RAB3IP: variants seen among roughly 807,000 people sequenced by gnomAD.
The protein encoded by RAB3IP is rab-3A-interacting protein.
Under a neutral mutation model 59.1 loss-of-function variants are expected in RAB3IP, and 36 were observed. The ratio of observed to expected loss-of-function variants is 0.61; its 90% CI spans 0.47 to 0.80. RAB3IP has a LOEUF of 0.80. Among genes scored for constraint, RAB3IP ranks in the 30% least tolerant of loss-of-function variants. RAB3IP has a pLI of 0.00. For missense variants in RAB3IP, 511 were observed against 536.0 expected (o/e 0.95, Z 0.46); for synonymous variants, 207 against 191.2 (o/e 1.08, Z -0.68).
In RAB3IP at chr12:69,795,283, CTA is replaced by C. The variant is rs781632658; in HGVS notation, c.829_830del (p.Met277GlufsTer21). 7 of 1,613,940 alleles carry C rather than the reference CTA, an allele frequency of 4.3e-6. No homozygotes were observed. Among genetic ancestry groups the C allele is most frequent in the Non-Finnish European group, 1.7e-6 (2 of 1,179,978 alleles). On this transcript the variant is annotated frameshift_variant, in exon 6 of 11. Coordinates refer to ENST00000247833, the MANE Select transcript of RAB3IP (RefSeq NM_022456.5). LOFTEE classifies it high-confidence loss of function. Reference sequence around the variant, plus strand: ...ACAAGAAATAAAAGCACAAGCAGTGCTATGAGTGGCAGTCATCAGGACCTCAG... The same window carrying C: ...ACAAGAAATAAAAGCACAAGCAGTGCTGAGTGGCAGTCATCAGGACCTCAG...
At chr12:69,804,848 G>T (rs575829543) in intron 8 of RAB3IP, among the ~76,000 whole-genome samples, 366 of 152,050 alleles carry the variant, frequency 2.4e-3, no homozygotes, top group African/African-American at 8.7e-3. Context: ...CTGTTCCATT[G>T]GTCTATATCT....
chr12:69,811,716 T>C (rs988862378), intron 8 of RAB3IP, among the ~76,000 whole-genome samples: 1 of 152,190 alleles, frequency 6.6e-6, no homozygotes, highest in South Asian at 2.1e-4. Context: ...TGAAGAAATA[T>C]CTATTTGAAA....
chr12:69,758,958 T>C (rs1870717238), intron 3 of RAB3IP, among the ~76,000 whole-genome samples: 1 of 150,142 alleles, frequency 6.7e-6, no homozygotes, highest in Non-Finnish European at 1.5e-5. Flanking sequence ...TTGTAGATAA[T>C]TGGTTTTCTT....
chr12:69,792,378 A>G (rs968100682), intron 4 of RAB3IP, among the ~76,000 whole-genome samples: 9 of 152,238 alleles, frequency 5.9e-5, no homozygotes, highest in Non-Finnish European at 1.2e-4. Context: ...CAGTGTTCAT[A>G]AATATTTATT....
chr12:69,760,570 A>G (rs1871156148), intron 3 of RAB3IP, among the ~76,000 whole-genome samples: 1 of 151,940 alleles, frequency 6.6e-6, no homozygotes. Context: ...CTTGAAGGAC[A>G]TCCTTTTACA....
intron 7 of RAB3IP, 103 bp downstream of exon 7, chr12:69,800,440 A>G (rs1878198256): frequency 1.4e-6 from 1 of 700,996 alleles, no homozygotes; most frequent in Non-Finnish European, 2.1e-6. Flanking sequence ...TAAATAAGTT[A>G]TTATAAAATG....
chr12:69,743,618 C>T (rs1887555192), intron 1 of RAB3IP, among the ~76,000 whole-genome samples: 1 of 152,082 alleles, frequency 6.6e-6, no homozygotes, highest in African/African-American at 2.4e-5. Context: ...CAAAACTGAA[C>T]CTTAGAGAGA....
intron 4 of RAB3IP, among the ~76,000 whole-genome samples, chr12:69,789,975 A>G (rs1451357746): frequency 1.3e-5 from 2 of 152,168 alleles, no homozygotes; most frequent in Non-Finnish European, 2.9e-5. Context: ...TAACAATCAT[A>G]ATCAGTGGGG....
intron 1 of RAB3IP, chr12:69,739,715 G>A (rs1887090311): frequency 1.1e-6 from 1 of 870,736 alleles, no homozygotes; most frequent in Non-Finnish European, 1.9e-6. Context: ...CGAACTGCAC[G>A]GGTGGGATTG....
At chr12:69,760,274 G>T (rs925051956) in intron 3 of RAB3IP, among the ~76,000 whole-genome samples, 14 of 152,256 alleles carry the variant, frequency 9.2e-5, no homozygotes, top group African/African-American at 3.1e-4. Flanking sequence ...CAGGCACTCG[G>T]CAGGCTGAGG....
chr12:69,803,633 G>A (rs2136254395), intron 8 of RAB3IP, among the ~76,000 whole-genome samples: 1 of 152,082 alleles, frequency 6.6e-6, no homozygotes, highest in East Asian at 1.9e-4. Flanking sequence ...ATCTCCTAAT[G>A]CTATCCCTCC....
At chr12:69,757,531 T>TG (rs1870421959) in intron 3 of RAB3IP, among the ~76,000 whole-genome samples, 1 of 152,124 alleles carries the variant, frequency 6.6e-6, no homozygotes, top group African/African-American at 2.4e-5. Flanking sequence ...TATAATGGAA[T>TG]GATATGAAAA....
chr12:69,752,080 T>G (rs1482922194), intron 1 of RAB3IP, among the ~76,000 whole-genome samples: 1 of 150,428 alleles, frequency 6.6e-6, no homozygotes, highest in Non-Finnish European at 1.5e-5. Flanking sequence ...CAAAGCTTAC[T>G]GTACCCTCAA....
At chr12:69,750,728 T>C (rs200154039) in intron 1 of RAB3IP, among the ~76,000 whole-genome samples, 46,962 of 147,418 alleles carry the variant, frequency 0.32, 7,616 homozygotes, top group Non-Finnish European at 0.37. Flanking sequence ...GGGTCTTTCT[T>C]TTTTTTTTTT....
chr12:69,772,803 A>C (rs567171544), intron 3 of RAB3IP, among the ~76,000 whole-genome samples: 71 of 152,290 alleles, frequency 4.7e-4, no homozygotes, highest in African/African-American at 1.7e-3. Context: ...TTTAGTCTTA[A>C]TAACTAAAGA....
chr12:69,797,481 T>A (rs374117642), intron 6 of RAB3IP, among the ~76,000 whole-genome samples: 1 of 135,740 alleles, frequency 7.4e-6, no homozygotes, highest in African/African-American at 2.6e-5. Flanking sequence ...TTCTTTCTTT[T>A]TTTTTTTTTT....
intron 8 of RAB3IP, among the ~76,000 whole-genome samples, chr12:69,803,929 T>G (rs989638682): frequency 6.6e-6 from 1 of 152,236 alleles, no homozygotes; most frequent in African/African-American, 2.4e-5. Context: ...TCCAAGTCTT[T>G]GCTATTGCGA....
chr12:69,762,239 C>T (rs1040084938), intron 3 of RAB3IP, among the ~76,000 whole-genome samples: 13 of 152,100 alleles, frequency 8.5e-5, no homozygotes, highest in African/African-American at 2.7e-4. Flanking sequence ...TTTGGCCTTC[C>T]ATAGGATATT....
rs1216298903 is a variant in RAB3IP, at chr12:69,812,852, A to T, written c.1205A>T (p.Tyr402Phe). ...IKLGDSSNYY[Y>F]ISPFCRYRIT... Reference sequence around the variant, plus strand: ...TTAGGGGACTCAAGCAACTATTATTATATTTCTCCTTTTTGCAGATACAGG... The same window carrying T: ...TTAGGGGACTCAAGCAACTATTATTTTATTTCTCCTTTTTGCAGATACAGG... Residue 402 changes from tyrosine to phenylalanine, a missense_variant, in exon 9 of 11, where the codon TAT (tyrosine) becomes TTT (phenylalanine). Tyr to Phe is a conservative substitution (Grantham distance 22). Transcript: ENST00000247833. The T allele has an allele frequency of 1.9e-6, 3 of 1,612,814 alleles. No homozygotes were observed. The highest frequency in any genetic ancestry group is 2.5e-6 in the Non-Finnish European group (3 of 1,178,910).
Sources: gnomAD v4.1 joint callset for allele counts (sites outside exome capture counted in the v4.1 genomes callset) on GRCh38, gnomAD v4.1.1 for gene constraint, MANE v1.5 for transcripts, NCBI Gene and HGNC (gene_info 2026-07-23, HGNC 2026-07-21) for gene names.